CLIP1: variants seen among roughly 807,000 people sequenced by gnomAD.
CLIP1 encodes CAP-Gly domain containing linker protein 1.
Under a neutral mutation model 161.6 loss-of-function variants are expected in CLIP1, and 66 were observed. That is an observed-to-expected ratio of 0.41 (90% CI 0.33 to 0.50). The LOEUF (loss-of-function observed/expected upper bound fraction) is 0.50. CLIP1 is among the 20% of genes least tolerant of loss of function. CLIP1 has a pLI of 0.27. For missense variants in CLIP1, 1,376 were observed against 1,702.0 expected (o/e 0.81, Z 3.37); for synonymous variants, 598 against 626.2 (o/e 0.96, Z 0.67).
chr12:122,288,808 C>CTTTTT (rs200069106), intron 20 of CLIP1, among the ~76,000 whole-genome samples: 24 of 114,456 alleles, frequency 2.1e-4, no homozygotes, highest in Admixed American at 2.8e-4. Flanking sequence ...CGAAGCACAT[C>CTTTTT]TTTTTTTTTT....
intron 3 of CLIP1, among the ~76,000 whole-genome samples, chr12:122,368,975 A>T (rs1954299499): frequency 6.6e-6 from 1 of 151,846 alleles, no homozygotes; most frequent in African/African-American, 2.4e-5. Flanking sequence ...CTCACTTAAA[A>T]CTTAATTGCC....
rs2136528802 is a variant in CLIP1, at chr12:122,311,750, T to C, written c.3474-1868A>G. Reference sequence around the variant, plus strand: ...AATTATTGTTTTAAAATTTACAAAATGCTTCCATGTCCATTTTCTCATTTA... The same window carrying C: ...AATTATTGTTTTAAAATTTACAAAACGCTTCCATGTCCATTTTCTCATTTA... On this transcript the variant is annotated intron_variant, in intron 19 of 25. Transcript: ENST00000620786. This position sits in a 1 kb window ranked among gnomAD's most constrained non-coding sequence, Gnocchi z 4.3. Among the ~76,000 whole-genome samples the C allele has an allele frequency of 6.6e-6, 1 of 152,290 alleles. No homozygotes were observed. Among genetic ancestry groups the C allele is most frequent in the Admixed American group, 6.5e-5 (1 of 15,296 alleles).
intron 19 of CLIP1, among the ~76,000 whole-genome samples, chr12:122,310,137 A>C (rs962279042): frequency 1.3e-5 from 2 of 152,040 alleles, no homozygotes; most frequent in African/African-American, 4.8e-5. Flanking sequence ...CCACCACCCA[A>C]ACTTACCCCA....
At chr12:122,306,642 T>C (rs1401494081) in intron 20 of CLIP1, among the ~76,000 whole-genome samples, 1 of 152,048 alleles carries the variant, frequency 6.6e-6, no homozygotes, top group Non-Finnish European at 1.5e-5. Flanking sequence ...ACCTTTAACA[T>C]GGGCCTTTAA....
At chr12:122,315,860 C>T (rs1951245688) in intron 19 of CLIP1, among the ~76,000 whole-genome samples, 1 of 151,898 alleles carries the variant, frequency 6.6e-6, no homozygotes, top group Non-Finnish European at 1.5e-5. Flanking sequence ...CCAGGATGGT[C>T]TCAATCTCCT....
intron 19 of CLIP1, among the ~76,000 whole-genome samples, chr12:122,313,153 C>T (rs1951125303): frequency 6.6e-6 from 1 of 152,164 alleles, no homozygotes; most frequent in South Asian, 2.1e-4. Flanking sequence ...CGTTAACAGT[C>T]CCAGCCATAT....
rs1268110179 is a variant in CLIP1, at chr12:122,334,604, T to C, written c.2626+44A>G. The C allele has an allele frequency of 1.1e-5, 15 of 1,330,066 alleles. No individual in the cohort carries two copies. The East Asian group carries it at 2.7e-4, about 24-fold the overall frequency. 82.4% of individuals were successfully genotyped at this position (1,330,066 alleles called of 1,614,324 possible). On this transcript the variant is annotated intron_variant, in intron 13 of 25. Coordinates refer to ENST00000620786, the MANE Select transcript of CLIP1 (RefSeq NM_001247997.2). ...ACAGGTCAGCTCCAGTATGAAAGAA[T>C]GATATTTTTTAAAGCAATCTGCACA...
At chr12:122,360,562 TAAAAA>T (rs1283858200) in intron 5 of CLIP1, among the ~76,000 whole-genome samples, 1 of 149,616 alleles carries the variant, frequency 6.7e-6, no homozygotes, top group Admixed American at 6.7e-5. Context: ...AAAGAAAAAA[TAAAAA>T]AAAGAGAGAG....
At chr12:122,349,612 C>T (rs1325088797) in intron 9 of CLIP1, among the ~76,000 whole-genome samples, 2 of 152,246 alleles carry the variant, frequency 1.3e-5, no homozygotes, top group African/African-American at 4.8e-5. Flanking sequence ...AAAAATGTGA[C>T]ACTGAACAGG....
intron 20 of CLIP1, among the ~76,000 whole-genome samples, chr12:122,295,569 AGT>A (rs1950435494): frequency 6.6e-6 from 1 of 152,268 alleles, no homozygotes; most frequent in Admixed American, 6.5e-5. Context: ...GCACTTGAGA[AGT>A]GTGTGTCTTC....
At chr12:122,362,514 GTCTGTAATCCCAGCTAC>G (rs1049140001) in intron 4 of CLIP1, among the ~76,000 whole-genome samples, 12 of 150,814 alleles carry the variant, frequency 8.0e-5, no homozygotes, top group African/African-American at 2.2e-4. Flanking sequence ...GGTGGTGTGT[GTCTGTAATCCCAGCTAC>G]TCGGGAGGCT....
chr12:122,334,260 T>G (rs1593093827), intron 13 of CLIP1, 150 bp from the exon 14 acceptor site: 2 of 623,448 alleles, frequency 3.2e-6, no homozygotes, highest in African/African-American at 3.7e-5. Context: ...CACATGGCTG[T>G]GTCCAGCCTG....
At chr12:122,292,942 G>A (rs1172162854) in intron 20 of CLIP1, among the ~76,000 whole-genome samples, 1 of 146,424 alleles carries the variant, frequency 6.8e-6, no homozygotes, top group Non-Finnish European at 1.5e-5. Context: ...GGCGGAGCTT[G>A]CAGTGGGCCG....
intron 1 of CLIP1, among the ~76,000 whole-genome samples, chr12:122,384,537 G>A (rs1473060683): frequency 1.3e-5 from 2 of 151,996 alleles, no homozygotes; most frequent in East Asian, 1.9e-4. Flanking sequence ...TGAGGTGGGC[G>A]GATCACCTGA....
chr12:122,339,252 A>G (rs900409571), intron 11 of CLIP1, among the ~76,000 whole-genome samples: 16 of 152,204 alleles, frequency 1.1e-4, no homozygotes, highest in Non-Finnish European at 1.6e-4. Flanking sequence ...TGCCACAGAA[A>G]AAAACTCCAA....
intron 1 of CLIP1, among the ~76,000 whole-genome samples, chr12:122,405,442 T>C (rs1254327442): frequency 6.6e-6 from 1 of 152,194 alleles, no homozygotes; most frequent in Admixed American, 6.6e-5. Flanking sequence ...ATATATTATA[T>C]ATAACTTTTT....
chr12:122,354,626 A>C (rs938832069), intron 6 of CLIP1, 70 bp from the exon 7 acceptor site: 10 of 1,272,328 alleles, frequency 7.9e-6, no homozygotes, highest in African/African-American at 1.5e-5. Context: ...ATACTTCTCC[A>C]AAGAGCTGTG....
At position 122,334,044 on chromosome 12, in the gene CLIP1, A is replaced by G. The variant is rs1256471165; in HGVS notation, c.2693T>C (p.Leu898Pro). The change falls in exon 14 of 26, where the codon CTG becomes CCG. Residue 898 changes from leucine (L) to proline (P), a missense_variant. Transcript: ENST00000620786. ...CTTCTTACCTGCTAAGTTTTCTCTC[A>G]GCTTCTCCAAGTCAGAAGACAGCAT... ...FNMLSSDLEK[L>P]RENLADMEAK... The G allele has an allele frequency of 9.9e-6, 16 of 1,611,986 alleles. No homozygotes were observed. The highest frequency in any genetic ancestry group is 1.4e-5 in the Non-Finnish European group (16 of 1,178,106).
At chr12:122,343,522 A>T (rs10773088) in intron 10 of CLIP1, 119,988 of 152,128 alleles carry the variant, frequency 0.79, 47,658 homozygotes, top group African/African-American at 0.86. Flanking sequence ...CTTTTTAGAT[A>T]TGATAATTCT....
Sources: allele counts gnomAD v4.1 joint callset (sites outside exome capture counted in the v4.1 genomes callset), GRCh38; gene constraint gnomAD v4.1.1; non-coding constraint Gnocchi (gnomAD v3.1); transcripts MANE v1.5; gene names NCBI Gene and HGNC (gene_info 2026-07-23, HGNC 2026-07-21).